Variants in PTPRE observed in about 807,000 individuals in gnomAD.
The protein encoded by PTPRE is receptor-type tyrosine-protein phosphatase epsilon.
A neutral mutation model predicts 102.0 loss-of-function variants in PTPRE; 51 were observed. That is an observed-to-expected ratio of 0.50 (90% CI 0.40 to 0.63). The LOEUF (loss-of-function observed/expected upper bound fraction) is 0.63, where lower values mean the gene tolerates loss of function less well. Among genes scored for constraint, PTPRE ranks in the 30% least tolerant of loss-of-function variants. The pLI, the probability that PTPRE is intolerant of heterozygous loss-of-function variation, is 0.00. For synonymous variants in PTPRE, 345 were observed against 348.2 expected, an observed-to-expected ratio of 0.99 and a Z score of 0.10; for missense variants, 752 against 915.1, an observed-to-expected ratio of 0.82 and a Z score of 2.30.
At chr10:127,934,489 C>G (rs1207347848) in intron 1 of PTPRE, 1 of 152,208 alleles carries the variant, frequency 6.6e-6, no homozygotes, top group Non-Finnish European at 1.5e-5. Context: ...ACAGAAAGCT[C>G]GGTGACGGTT....
At chr10:128,067,326 A>G (rs561597586) in intron 11 of PTPRE, among the ~76,000 whole-genome samples, 4 of 149,504 alleles carry the variant, frequency 2.7e-5, no homozygotes, top group African/African-American at 7.3e-5. Context: ...ACACATGTGC[A>G]CACACATACA....
rs965019185 is a variant in PTPRE at position 127,970,430 on chromosome 10, G to C, written c.-30-11844G>C. ...TCCTCCCACCCTCTACCCACCCCAG[G>C]ACTGGATTCCTGTCCTGTAAGGCCA... On this transcript the variant is annotated intron_variant, in intron 1 of 20. Coordinates refer to ENST00000254667, the MANE Select transcript of PTPRE (RefSeq NM_006504.6). Among the ~76,000 whole-genome samples the C allele has an allele frequency of 9.9e-5, 15 of 152,026 alleles. 1 individual carries two copies. The highest frequency in any genetic ancestry group is 3.6e-4 in the African/African-American group (15 of 41,432).
chr10:127,967,261 C>T (rs937305753), intron 1 of PTPRE, among the ~76,000 whole-genome samples: 1 of 152,186 alleles, frequency 6.6e-6, no homozygotes, highest in Admixed American at 6.5e-5. Flanking sequence ...AAAATAGTAG[C>T]TCAAGCTATG....
At chr10:127,951,323 G>A (rs1321196499) in intron 1 of PTPRE, among the ~76,000 whole-genome samples, 2 of 152,152 alleles carry the variant, frequency 1.3e-5, no homozygotes, top group Admixed American at 1.3e-4. Context: ...TACAAAGAAC[G>A]TATACTGTTC....
intron 7 of PTPRE, among the ~76,000 whole-genome samples, chr10:128,057,073 C>T (rs1379275028): frequency 6.6e-6 from 1 of 152,070 alleles, no homozygotes; most frequent in Admixed American, 6.5e-5. Flanking sequence ...AAATATTAGC[C>T]GGGCATGGTG....
chr10:128,027,422 C>A (rs1442351444), intron 2 of PTPRE, among the ~76,000 whole-genome samples: 3 of 152,160 alleles, frequency 2.0e-5, no homozygotes, highest in Non-Finnish European at 4.4e-5. Flanking sequence ...GGAGGCAAGT[C>A]AAAGTGAGGC....
chr10:128,009,681 T>A (rs1844815371), intron 2 of PTPRE, among the ~76,000 whole-genome samples: 1 of 152,246 alleles, frequency 6.6e-6, no homozygotes, highest in African/African-American at 2.4e-5. Context: ...GTGCGTGTGC[T>A]GCAAAGGACA....
intron 2 of PTPRE, among the ~76,000 whole-genome samples, chr10:128,017,410 C>T (rs1429888143): frequency 6.6e-6 from 1 of 152,164 alleles, no homozygotes; most frequent in Admixed American, 6.5e-5. Flanking sequence ...CTGGGTTCAA[C>T]TCCAAGGGCA....
intron 2 of PTPRE, among the ~76,000 whole-genome samples, chr10:128,023,179 T>C (rs1846044331): frequency 6.6e-6 from 1 of 152,106 alleles, no homozygotes; most frequent in African/African-American, 2.4e-5. Context: ...TATTTTATTA[T>C]TGTTGTTAAT....
chr10:127,917,363 G>A (rs754554276), intron 1 of PTPRE, among the ~76,000 whole-genome samples: 24 of 152,216 alleles, frequency 1.6e-4, no homozygotes, highest in East Asian at 1.2e-3. Context: ...GCTTCACTGC[G>A]CTAAACTGTC....
chr10:128,057,342 T>A (rs1849072886), intron 7 of PTPRE, among the ~76,000 whole-genome samples: 1 of 152,140 alleles, frequency 6.6e-6, no homozygotes, highest in African/African-American at 2.4e-5. Context: ...CTCAAAGGGC[T>A]CCACTAAGTT....
At chr10:128,007,662 A>C (rs1844610688) in intron 2 of PTPRE, among the ~76,000 whole-genome samples, 1 of 152,152 alleles carries the variant, frequency 6.6e-6, no homozygotes, top group Non-Finnish European at 1.5e-5. Flanking sequence ...CTGGGATTTG[A>C]ATTCAGGCTC....
At chr10:128,011,822 G>C (rs976193661) in intron 2 of PTPRE, among the ~76,000 whole-genome samples, 32 of 152,232 alleles carry the variant, frequency 2.1e-4, no homozygotes, top group African/African-American at 7.5e-4. Context: ...CCAGTTCACA[G>C]GCGGTGGCCT....
chr10:127,987,541 G>C lies in PTPRE; in HGVS notation c.-8+5245G>C, dbSNP rs1589916891. 84 of 325,994 alleles carry C rather than the reference G, an allele frequency of 2.6e-4. 4 individuals carry two copies. Among genetic ancestry groups the C allele is most frequent in the South Asian group, 2.3e-3 (81 of 35,986 alleles). The allele number at this position is 325,994 out of a possible 1,614,324, so 20.2% of individuals were successfully genotyped here. A position where few individuals can be genotyped will look rare whatever the true frequency, so the allele number is the denominator to read the frequency against. ...AAATGAAAATTTGGCAAGCCTCTTAGTTACCTTTATCCAGCTCTGTGCAGG... is the reference window on the plus strand; with the variant it reads ...AAATGAAAATTTGGCAAGCCTCTTACTTACCTTTATCCAGCTCTGTGCAGG... On this transcript the variant is annotated intron_variant, in intron 2 of 20. Transcript: ENST00000254667.
At chr10:127,912,799 A>G (rs1372634233) in intron 1 of PTPRE, among the ~76,000 whole-genome samples, 3 of 152,200 alleles carry the variant, frequency 2.0e-5, no homozygotes, top group African/African-American at 7.2e-5. Flanking sequence ...CTCAGAGCTC[A>G]CTCTGTGCAT....
chr10:128,068,581 T>G, intron 12 of PTPRE: 1 of 241,630 alleles, frequency 4.1e-6, no homozygotes. Context: ...TCCCCGGGAA[T>G]CCCAAGTCAC....
At chr10:128,056,912 C>A (rs551031625) in intron 7 of PTPRE, among the ~76,000 whole-genome samples, 2 of 151,886 alleles carry the variant, frequency 1.3e-5, no homozygotes, top group Admixed American at 6.6e-5. Context: ...GGTTCTGAAC[C>A]GCCTTTGTAA....
At chr10:128,027,324 C>G (rs1293607799) in intron 2 of PTPRE, among the ~76,000 whole-genome samples, 1 of 152,214 alleles carries the variant, frequency 6.6e-6, no homozygotes, top group East Asian at 1.9e-4. Context: ...TCCTAGCACT[C>G]TCCCTCCTCG....
At chr10:128,034,554 A>G (rs2135760752) in intron 2 of PTPRE, among the ~76,000 whole-genome samples, 1 of 152,194 alleles carries the variant, frequency 6.6e-6, no homozygotes, top group South Asian at 2.1e-4. Context: ...AAATTTTGCC[A>G]GTCATGGTGG....
Sources: gnomAD v4.1 joint callset for allele counts (sites outside exome capture counted in the v4.1 genomes callset) on GRCh38, gnomAD v4.1.1 for gene constraint, MANE v1.5 for transcripts, NCBI Gene and HGNC (gene_info 2026-07-23, HGNC 2026-07-21) for gene names.